The following HNRNPD variants were observed in gnomAD, a reference collection of about 807,000 sequenced individuals.
HNRNPD encodes the protein heterogeneous nuclear ribonucleoprotein D0.
In HNRNPD, 3 loss-of-function variants were observed where a neutral mutation model predicts 47.9. The observed-to-expected ratio is 0.06, with a 90% CI of 0.03 to 0.16. The LOEUF is 0.16. HNRNPD is among the 10% of genes least tolerant of loss of function. The pLI is 1.00. For missense variants in HNRNPD, 287 were observed against 454.2 expected (o/e 0.63, Z 3.35); for synonymous variants, 171 against 165.1 (o/e 1.04, Z -0.28).
At position 82,353,666 on chromosome 4, in the gene HNRNPD, G is replaced by A. The variant is rs1004853824; in HGVS notation, c.*519C>T. 7.2e-5 allele frequency: 11 copies of A among 152,578 alleles called. No individual in the cohort carries two copies. The highest frequency in any genetic ancestry group is 1.9e-4 in the East Asian group (1 of 5,198). The allele number at this position is 152,578 out of a possible 1,614,324, so 9.5% of individuals were successfully genotyped here. ...AAGTCATTCCCAATTTGGACAGGGA[G>A]GACACATTATGGCAAAAATTAGATT... On this transcript the variant is annotated 3_prime_UTR_variant, in exon 9 of 9. Transcript: ENST00000313899.
At chr4:82,367,917 T>C (rs1303562820) in intron 2 of HNRNPD, among the ~76,000 whole-genome samples, 3 of 152,116 alleles carry the variant, frequency 2.0e-5, no homozygotes, top group African/African-American at 7.2e-5. Context: ...TTCCAACACA[T>C]AGATCAGCAA....
At chr4:82,355,427 A>T in intron 7 of HNRNPD, 26 bp from the exon 8 acceptor site, 3 of 1,544,664 alleles carry the variant, frequency 1.9e-6, no homozygotes, top group Non-Finnish European at 2.7e-6. Flanking sequence ...TGTTAGAACC[A>T]GAACGGTAGT....
intron 2 of HNRNPD, among the ~76,000 whole-genome samples, chr4:82,364,767 T>G (rs189102658): frequency 7.1e-4 from 108 of 152,336 alleles, no homozygotes; most frequent in Admixed American, 3.3e-3. Flanking sequence ...GCCAGTAATT[T>G]TAGTAAAGAA....
chr4:82,353,084 A>G lies in HNRNPD; in HGVS notation c.*1101T>C, dbSNP rs1245583213. ...TTTCCATTCAAGTTGATGGGTATCA[A>G]TTCCCTGAATGCTAATAACAGAACT... On this transcript the variant is annotated 3_prime_UTR_variant, in exon 9 of 9. Coordinates refer to ENST00000313899, the MANE Select transcript of HNRNPD (RefSeq NM_031370.3). The G allele has an allele frequency of 6.6e-6, 1 of 152,220 alleles. No individual in the cohort carries two copies. The highest frequency in any genetic ancestry group is 1.5e-5 in the Non-Finnish European group (1 of 68,034). The allele number at this position is 152,220 out of a possible 1,614,324, so 9.4% of individuals were successfully genotyped here. A position where few individuals can be genotyped will look rare whatever the true frequency, so the allele number is the denominator to read the frequency against.
chr4:82,373,497 G>A lies in HNRNPD; in HGVS notation c.182C>T (p.Ala61Val), dbSNP rs987977165. ...GTCAATCTTCGCCCCCTCCGACTCG[G>A]CGCTGCCCCCTTCGGTGCCTCCAGA... ...TASGGTEGGS[A>V]ESEGAKIDAS... Residue 61 changes from alanine to valine, a missense_variant, in exon 1 of 9, where the codon GCC becomes GTC. Physicochemically the swap from Ala to Val is moderately conservative, Grantham distance 64 (BLOSUM62 0). This residue lies in a region of HNRNPD where 161 missense variants were observed against 137.1 expected (regional missense o/e 1.17). Coordinates refer to ENST00000313899, the MANE Select transcript of HNRNPD (RefSeq NM_031370.3). 8.4e-5 allele frequency: 130 copies of A among 1,550,920 alleles called. No individual in the cohort carries two copies. The highest frequency in any genetic ancestry group is 1.1e-4 in the Non-Finnish European group (124 of 1,146,768).
Position 82,373,445 on chromosome 4 carries a change from C to A in HNRNPD, c.233+1G>T. 6.4e-7 allele frequency: 1 copy of A among 1,574,064 alleles called. No homozygotes were observed. The highest frequency in any genetic ancestry group is 8.6e-7 in the Non-Finnish European group (1 of 1,158,534). ...ACTATCCTGGGATGCCCCTTACTCA[C>A]CCTTCATCCTCCTCGTTCTTACTGG... On this transcript the variant is annotated splice_donor_variant, in intron 1 of 8. Coordinates refer to ENST00000313899, the MANE Select transcript of HNRNPD (RefSeq NM_031370.3). LOFTEE classifies it high-confidence loss of function.
At chr4:82,359,896 A>G (rs1191787796) in intron 2 of HNRNPD, among the ~76,000 whole-genome samples, 1 of 152,196 alleles carries the variant, frequency 6.6e-6, no homozygotes, top group African/African-American at 2.4e-5. Context: ...ACATATACCC[A>G]AAGTAAAAAT....
At chr4:82,373,124 G>C (rs371855908) in intron 1 of HNRNPD, 3 of 573,234 alleles carry the variant, frequency 5.2e-6, no homozygotes, top group African/African-American at 3.7e-5. Flanking sequence ...GGTACCCCAC[G>C]ACAGGCGGGA....
Position 82,358,675 on chromosome 4 carries a change from A to C in HNRNPD, c.605T>G (p.Phe202Cys). ...DTPEEKIREY[F>C]GGFGEVESIE... ...ATAACATACCTCACCAAAACCACCAAAGTACTCCCTTATTTTCTCTTCAGG... is the reference window on the plus strand; with the variant it reads ...ATAACATACCTCACCAAAACCACCACAGTACTCCCTTATTTTCTCTTCAGG... Residue 202 changes from phenylalanine (F) to cysteine (C), a missense_variant, in exon 4 of 9, where the codon TTT (phenylalanine) becomes TGT (cysteine). Physicochemically the swap from Phe to Cys is radical, Grantham distance 205 (BLOSUM62 -2). Around this residue, in one of 5 missense-constraint regions of HNRNPD, gnomAD observed 39 missense variants for 113.1 expected, o/e 0.34. Transcript: ENST00000313899. 6.2e-7 allele frequency: 1 copy of C among 1,607,280 alleles called. No homozygotes were observed. Among genetic ancestry groups the C allele is most frequent in the Non-Finnish European group, 8.5e-7 (1 of 1,178,692 alleles).
intron 2 of HNRNPD, among the ~76,000 whole-genome samples, chr4:82,366,035 G>T (rs1719738171): frequency 2.6e-5 from 4 of 151,870 alleles, no homozygotes; most frequent in Non-Finnish European, 5.9e-5. Context: ...TAAAGAATAG[G>T]TATTCCTCTC....
intron 7 of HNRNPD, 197 bp from the exon 8 acceptor site, chr4:82,355,598 A>G (rs759548186): frequency 2.8e-5 from 16 of 574,288 alleles, no homozygotes; most frequent in South Asian, 9.4e-5. Context: ...ATTCAGAATG[A>G]GCTGATTACT....
At chr4:82,365,539 A>G (rs943515125) in intron 2 of HNRNPD, among the ~76,000 whole-genome samples, 12 of 151,946 alleles carry the variant, frequency 7.9e-5, no homozygotes, top group Admixed American at 6.6e-4. Context: ...CTTGGGAGAG[A>G]GCTTGACAAG....
At chr4:82,364,431 G>A (rs1241022386) in intron 2 of HNRNPD, among the ~76,000 whole-genome samples, 1 of 152,172 alleles carries the variant, frequency 6.6e-6, no homozygotes, top group Non-Finnish European at 1.5e-5. Flanking sequence ...ATGATTGATA[G>A]AAGTTACTAT....
chr4:82,354,899 C>T (rs972185633), intron 8 of HNRNPD: 16 of 166,424 alleles, frequency 9.6e-5, no homozygotes, highest in Admixed American at 1.9e-4. Context: ...CCATACCAAA[C>T]GGCAGCATTC....
chr4:82,356,844 A>G lies in HNRNPD; in HGVS notation c.805T>C (p.Trp269Arg). ...CCTGCAAATCCTCCTCTAGATCCCC[A>G]CTGTTGCTGTTGCTGATATTGTTCC... ...SKEQYQQQQQ[W>R]GSRGGFAGRA... is the part of the protein sequence containing the mutation. Residue 269 changes from tryptophan to arginine, a missense_variant, in exon 6 of 9, where the codon TGG (tryptophan) becomes CGG (arginine). Trp to Arg is a moderately radical substitution (Grantham distance 101, BLOSUM62 -3). Coordinates refer to ENST00000313899, the MANE Select transcript of HNRNPD (RefSeq NM_031370.3). 1 of 1,614,080 alleles carries G rather than the reference A, an allele frequency of 6.2e-7. No individual in the cohort carries two copies. The highest frequency in any genetic ancestry group is 8.5e-7 in the Non-Finnish European group (1 of 1,179,962).
rs1305966491 is a variant in HNRNPD, at chr4:82,352,758, A to G, written c.*1427T>C. The G allele has an allele frequency of 2.0e-5, 3 of 151,480 alleles. No individual in the cohort carries two copies. The highest frequency in any genetic ancestry group is 7.3e-5 in the African/African-American group (3 of 41,052). 9.4% of individuals were successfully genotyped at this position (151,480 alleles called of 1,614,324 possible). On this transcript the variant is annotated 3_prime_UTR_variant, in exon 9 of 9. Coordinates refer to ENST00000313899, the MANE Select transcript of HNRNPD (RefSeq NM_031370.3). ...GAGCATAGCTGGGTTGCAATCTTAT[A>G]AAAACAGGACACAGGTCCTCAATTT...
chr4:82,359,656 C>A lies in HNRNPD; in HGVS notation c.291-17G>T. 2 of 1,513,826 alleles carry A rather than the reference C, an allele frequency of 1.3e-6. No individual in the cohort carries two copies. Among genetic ancestry groups the A allele is most frequent in the Non-Finnish European group, 9.0e-7 (1 of 1,114,038 alleles). 93.8% of individuals were successfully genotyped at this position (1,513,826 alleles called of 1,614,324 possible). On this transcript the variant is annotated splice_polypyrimidine_tract_variant and intron_variant, in intron 2 of 8. Coordinates refer to ENST00000313899, the MANE Select transcript of HNRNPD (RefSeq NM_031370.3). ...AACATTTTCCTGTAAAGACAAAAAG[C>A]AGTATTAAAATGCTTAAAAAAAATT...
chr4:82,373,511 G>C lies in HNRNPD; in HGVS notation c.168C>G (p.Thr56=). Residue 56 remains threonine (T), a synonymous_variant, in exon 1 of 9, where the codon ACC becomes ACG. Transcript: ENST00000313899. ...GTGGGTASGG[T]EGGSAESEGA... ...CCTCCGACTCGGCGCTGCCCCCTTC[G>C]GTGCCTCCAGACGCGGTTCCGCCCC... 1 of 1,547,798 alleles carries C rather than the reference G, an allele frequency of 6.5e-7. No individual in the cohort carries two copies. The highest frequency in any genetic ancestry group is 8.7e-7 in the Non-Finnish European group (1 of 1,145,408).
At chr4:82,369,626 TATA>T (rs1255479450) in intron 2 of HNRNPD, among the ~76,000 whole-genome samples, 4 of 151,030 alleles carry the variant, frequency 2.6e-5, no homozygotes, top group Admixed American at 2.0e-4. Flanking sequence ...CTGTTGCCCT[TATA>T]ATATCCCTCA....
Sources: allele counts gnomAD v4.1 joint callset (sites outside exome capture counted in the v4.1 genomes callset), GRCh38; gene constraint gnomAD v4.1.1; regional missense constraint gnomAD v4.1.1; transcripts MANE v1.5; gene names NCBI Gene and HGNC (gene_info 2026-07-23, HGNC 2026-07-21).